FRMPD2: variants seen among roughly 807,000 people sequenced by gnomAD.
The protein encoded by FRMPD2 is FERM and PDZ domain-containing protein 2.
Under a neutral mutation model 140.1 loss-of-function variants are expected in FRMPD2, and 96 were observed. The observed-to-expected ratio is 0.69, with a 90% CI of 0.58 to 0.81. The LOEUF is 0.81. FRMPD2 is among the 40% of genes least tolerant of loss of function. The pLI is 0.00. For missense variants in FRMPD2, 1,240 were observed against 1,447.4 expected (o/e 0.86, Z 2.32); for synonymous variants, 449 against 547.6 (o/e 0.82, Z 2.52).
intron 15 of FRMPD2, among the ~76,000 whole-genome samples, chr10:48,194,286 AAGCC>A: frequency 1.3e-5 from 2 of 152,318 alleles, no homozygotes; most frequent in South Asian, 4.1e-4. Flanking sequence ...CATGGTCCCA[AAGCC>A]AGTAAGTGGT....
chr10:48,160,010 A>G lies in FRMPD2; in HGVS notation c.3882-2640T>C, dbSNP rs561396851. On this transcript the variant is annotated intron_variant, in intron 28 of 28. Coordinates refer to ENST00000374201, the MANE Select transcript of FRMPD2 (RefSeq NM_001018071.4). ...TCATCTGAGGCTCGACCAAACAAAA[A>G]GTGATTTGCTCCCACACCAAGGGGC... 2.0e-5 allele frequency among the ~76,000 whole-genome samples: 3 copies of G among 151,552 alleles called. No homozygotes were observed. The East Asian group carries it at 5.8e-4, about 29-fold the overall frequency.
chr10:48,205,633 GA>G (rs1341626711), intron 14 of FRMPD2, among the ~76,000 whole-genome samples: 2 of 152,014 alleles, frequency 1.3e-5, no homozygotes, highest in Non-Finnish European at 1.5e-5. Context: ...TTAAAATTCT[GA>G]AAAATTCACA....
chr10:48,190,080 G>C (rs1350398851), intron 16 of FRMPD2, among the ~76,000 whole-genome samples: 1 of 152,162 alleles, frequency 6.6e-6, no homozygotes, highest in African/African-American at 2.4e-5. Context: ...CCAGAACCCT[G>C]TCAGAAGGGG....
chr10:48,189,536 T>C (rs895060068), intron 16 of FRMPD2, among the ~76,000 whole-genome samples: 5 of 152,208 alleles, frequency 3.3e-5, no homozygotes, highest in Non-Finnish European at 7.3e-5. Context: ...GCCAGCGGCA[T>C]GACCCACATC....
chr10:48,216,668 A>G (rs556936926), intron 12 of FRMPD2, among the ~76,000 whole-genome samples: 3 of 152,354 alleles, frequency 2.0e-5, no homozygotes, highest in African/African-American at 7.2e-5. Flanking sequence ...GTCACATGCT[A>G]GATACCACAC....
At chr10:48,171,465 G>A (rs1554791674) in intron 25 of FRMPD2, among the ~76,000 whole-genome samples, 1 of 152,052 alleles carries the variant, frequency 6.6e-6, no homozygotes, top group Non-Finnish European at 1.5e-5. Context: ...AAAGGAAAAA[G>A]CAAACAAAAA....
intron 3 of FRMPD2, among the ~76,000 whole-genome samples, chr10:48,247,744 G>A (rs1296405959): frequency 6.6e-6 from 1 of 152,194 alleles, no homozygotes; most frequent in African/African-American, 2.4e-5. Flanking sequence ...CCCAGTCCCA[G>A]GGGTCAATAT....
Position 48,270,345 on chromosome 10 carries a change from G to A in FRMPD2, c.25+4198C>T, listed in dbSNP as rs367866575. Among the ~76,000 whole-genome samples the A allele has an allele frequency of 1.9e-4, 29 of 152,318 alleles. No individual in the cohort carries two copies. In the South Asian group the frequency reaches 6.0e-3, roughly 32 times the overall value. On this transcript the variant is annotated intron_variant, in intron 1 of 28. Coordinates refer to ENST00000374201, the MANE Select transcript of FRMPD2 (RefSeq NM_001018071.4). ...TTTGCGACAGCTGATTTGTAAAGCA[G>A]TTTGGCAATCTGTATCAAAAGCCAA...
chr10:48,185,742 A>G lies in FRMPD2; in HGVS notation c.2267-97T>C, dbSNP rs1350441065. 21 of 824,166 alleles carry G rather than the reference A, an allele frequency of 2.5e-5. No homozygotes were observed. In the African/African-American group the frequency reaches 2.7e-4, roughly 10 times the overall value. The allele number at this position is 824,166 out of a possible 1,614,324, so 51.1% of individuals were successfully genotyped here. On this transcript the variant is annotated intron_variant, in intron 17 of 28. Coordinates refer to ENST00000374201, the MANE Select transcript of FRMPD2 (RefSeq NM_001018071.4). The stretch of plus-strand genomic sequence containing the variant: ...AACAGCATTTCACACACATGCGCGC[A>G]CACACATTCACACGCACACAATCCT...
At chr10:48,161,389 A>G (rs1201296474) in intron 28 of FRMPD2, among the ~76,000 whole-genome samples, 1 of 151,382 alleles carries the variant, frequency 6.6e-6, no homozygotes, top group African/African-American at 2.4e-5. Context: ...TTGATGCAAA[A>G]AAAAAACAGC....
intron 7 of FRMPD2, 152 bp downstream of exon 7, chr10:48,239,453 G>A (rs1840049316): frequency 1.8e-6 from 1 of 549,232 alleles, no homozygotes; most frequent in Non-Finnish European, 3.2e-6. Flanking sequence ...CTGCTTAAAT[G>A]TGGCTTCTTC....
At chr10:48,234,891 G>C (rs936736728) in intron 9 of FRMPD2, among the ~76,000 whole-genome samples, 1 of 151,926 alleles carries the variant, frequency 6.6e-6, no homozygotes, top group Non-Finnish European at 1.5e-5. Flanking sequence ...CCTGCAGAGC[G>C]GGGGAAGCTG....
chr10:48,250,038 C>T (rs926034707), intron 2 of FRMPD2, among the ~76,000 whole-genome samples: 4 of 152,166 alleles, frequency 2.6e-5, no homozygotes, highest in African/African-American at 9.7e-5. Context: ...CACTTGGCCA[C>T]CTCAAGGCCG....
chr10:48,255,529 A>G (rs1730445), intron 1 of FRMPD2, among the ~76,000 whole-genome samples: 6,695 of 152,260 alleles, frequency 0.044, 498 homozygotes, highest in African/African-American at 0.15. Context: ...GTATATTTCA[A>G]GCTCTGTACT....
intron 6 of FRMPD2, among the ~76,000 whole-genome samples, chr10:48,240,156 T>C (rs1840070286): frequency 6.6e-6 from 1 of 152,234 alleles, no homozygotes; most frequent in Non-Finnish European, 1.5e-5. Context: ...TATAAATAAC[T>C]GTGTTGTGTC....
Position 48,184,669 on chromosome 10 carries a change from T to C in FRMPD2, c.2481A>G (p.Leu827=). The change falls in exon 20 of 29, where the codon CTA becomes CTG. Residue 827 remains leucine (L), a synonymous_variant. Coordinates refer to ENST00000374201, the MANE Select transcript of FRMPD2 (RefSeq NM_001018071.4). ...AKTIKPGGQI[L]ALNHISLEGF... is the part of the protein sequence containing the mutation. ...CCTCCAGACTGATGTGATTCAGGGC[T>C]AGTATCTGCCCTCCTAGAAAAATAA... The C allele has an allele frequency of 6.2e-7, 1 of 1,610,668 alleles. No homozygotes were observed. Among genetic ancestry groups the C allele is most frequent in the Non-Finnish European group, 8.5e-7 (1 of 1,176,984 alleles).
chr10:48,207,803 C>A (rs1016522599), intron 13 of FRMPD2, among the ~76,000 whole-genome samples: 1 of 152,122 alleles, frequency 6.6e-6, no homozygotes, highest in African/African-American at 2.4e-5. Context: ...ATTCCTACCC[C>A]CAACCAGAGA....
At position 48,203,390 on chromosome 10, in the gene FRMPD2, CTG is replaced by C. The variant is rs1308981964; in HGVS notation, c.1798-2008_1798-2007del. ...ACTTTCGCATAAGCAAGCTGCTACT[CTG>C]TGTATACGATGATGTATAACTCCAG... On this transcript the variant is annotated intron_variant, in intron 14 of 28. Transcript: ENST00000374201. 2.6e-5 allele frequency among the ~76,000 whole-genome samples: 4 copies of C among 152,324 alleles called. No individual in the cohort carries two copies. In the East Asian group the frequency reaches 5.8e-4, roughly 22 times the overall value.
intron 22 of FRMPD2, among the ~76,000 whole-genome samples, chr10:48,177,118 T>G (rs1429746739): frequency 6.7e-6 from 1 of 150,210 alleles, no homozygotes; most frequent in East Asian, 1.9e-4. Flanking sequence ...TTTTTTTTTT[T>G]TTTTTTTGAG....
Sources: allele counts gnomAD v4.1 joint callset (sites outside exome capture counted in the v4.1 genomes callset), GRCh38; gene constraint gnomAD v4.1.1; transcripts MANE v1.5; gene names NCBI Gene and HGNC (gene_info 2026-07-23, HGNC 2026-07-21).